The following MMS22L variants were observed in gnomAD, a reference collection of about 807,000 sequenced individuals.
MMS22L encodes the protein MMS22 like, DNA repair protein.
In MMS22L, 74 loss-of-function variants were observed where a neutral mutation model predicts 159.1. That is an observed-to-expected ratio of 0.47 (90% confidence interval 0.39 to 0.56). MMS22L has a LOEUF of 0.56. MMS22L is among the 20% of genes least tolerant of loss of function. MMS22L has a pLI of 0.00. For missense variants in MMS22L, 1,351 were observed against 1,422.1 expected, an observed-to-expected ratio of 0.95 and a Z score of 0.80; for synonymous variants, 517 against 506.9, an observed-to-expected ratio of 1.02 and a Z score of -0.27.
intron 14 of MMS22L, among the ~76,000 whole-genome samples, chr6:97,191,185 G>T (rs182752412): frequency 6.6e-6 from 1 of 152,136 alleles, no homozygotes; most frequent in African/African-American, 2.4e-5. Flanking sequence ...ATTTATTGAG[G>T]CATCTATCAT....
At chr6:97,207,989 A>C (rs1209082651) in intron 14 of MMS22L, among the ~76,000 whole-genome samples, 1 of 152,188 alleles carries the variant, frequency 6.6e-6, no homozygotes, top group Non-Finnish European at 1.5e-5. Context: ...TTTTATCAGT[A>C]GTTAAACATA....
intron 11 of MMS22L, among the ~76,000 whole-genome samples, chr6:97,243,883 T>TG (rs1812346904): frequency 6.6e-6 from 1 of 151,564 alleles, no homozygotes. Context: ...GGTACTGGGG[T>TG]GGGGGGTGTC....
chr6:97,268,054 A>G (rs1815326008), intron 7 of MMS22L, 52 bp from the exon 8 acceptor site: 2 of 1,262,370 alleles, frequency 1.6e-6, no homozygotes, highest in Admixed American at 3.1e-5. Context: ...TAAGTCAGAA[A>G]GGAAAAAGTG....
At chr6:97,270,450 C>T in intron 6 of MMS22L, 1 of 303,578 alleles carries the variant, frequency 3.3e-6, no homozygotes, top group Non-Finnish European at 6.5e-6. Context: ...CATTAAGAAA[C>T]AGAAGTTAAA....
At chr6:97,219,537 T>C (rs1030178317) in intron 14 of MMS22L, among the ~76,000 whole-genome samples, 2 of 152,218 alleles carry the variant, frequency 1.3e-5, no homozygotes, top group African/African-American at 4.8e-5. Context: ...TAGCTAGTGC[T>C]ACCCTACTGG....
chr6:97,226,769 T>C, intron 14 of MMS22L, among the ~76,000 whole-genome samples: 1 of 152,128 alleles, frequency 6.6e-6, no homozygotes, highest in African/African-American at 2.4e-5. Flanking sequence ...TTTATTTCTA[T>C]GGATTAGAAC....
At chr6:97,173,541 A>T (rs1803783344) in intron 18 of MMS22L, among the ~76,000 whole-genome samples, 1 of 152,204 alleles carries the variant, frequency 6.6e-6, no homozygotes, top group African/African-American at 2.4e-5. Context: ...CTTGTAACTA[A>T]ATCACATCAT....
At chr6:97,147,225 G>GGAA (rs1179877017) in intron 24 of MMS22L, among the ~76,000 whole-genome samples, 2 of 152,008 alleles carry the variant, frequency 1.3e-5, no homozygotes, top group Non-Finnish European at 2.9e-5. Flanking sequence ...GATTACAATG[G>GGAA]GAAGACTTGT....
At chr6:97,157,461 T>C (rs1337301170) in intron 22 of MMS22L, among the ~76,000 whole-genome samples, 1 of 152,218 alleles carries the variant, frequency 6.6e-6, no homozygotes, top group Non-Finnish European at 1.5e-5. Flanking sequence ...GGGTCTGTCA[T>C]AAACAGCTCT....
intron 9 of MMS22L, among the ~76,000 whole-genome samples, chr6:97,257,115 C>T (rs1482808758): frequency 6.6e-6 from 1 of 152,154 alleles, no homozygotes; most frequent in Non-Finnish European, 1.5e-5. Context: ...CTTTCACTAA[C>T]ATTTGAAAAT....
chr6:97,152,290 C>A (rs1032465174), intron 22 of MMS22L, among the ~76,000 whole-genome samples: 2 of 151,884 alleles, frequency 1.3e-5, no homozygotes, highest in Admixed American at 1.3e-4. Context: ...ATGTAAGTAG[C>A]AAACTAGATA....
intron 11 of MMS22L, among the ~76,000 whole-genome samples, chr6:97,234,209 G>T (rs983482403): frequency 1.3e-5 from 2 of 151,966 alleles, no homozygotes; most frequent in African/African-American, 4.8e-5. Flanking sequence ...CACATAACTC[G>T]ACTTTTAATT....
Position 97,229,234 on chromosome 6 carries a change from T to C in MMS22L, c.1699A>G (p.Arg567Gly), listed in dbSNP as rs1230709672. Reference sequence around the variant, plus strand: ...ATGTGACCCTTCCAAATGAGGGCTCTCTGAGACGTTACAAAAGCAGGCTTG... The same window carrying C: ...ATGTGACCCTTCCAAATGAGGGCTCCCTGAGACGTTACAAAAGCAGGCTTG... Reference protein sequence around the residue: ...FLKPAFVTSQRALIWKGHMAF... With the variant: ...FLKPAFVTSQGALIWKGHMAF... The change falls in exon 14 of 25, where the codon AGA becomes GGA. Residue 567 changes from arginine to glycine, a missense_variant. Coordinates refer to ENST00000683635, the MANE Select transcript of MMS22L (RefSeq NM_001350599.2). 3.7e-6 allele frequency: 6 copies of C among 1,614,114 alleles called. No homozygotes were observed. Among genetic ancestry groups the C allele is most frequent in the Non-Finnish European group, 5.1e-6 (6 of 1,180,004 alleles).
intron 14 of MMS22L, among the ~76,000 whole-genome samples, chr6:97,211,989 C>T (rs1808430260): frequency 1.3e-5 from 2 of 152,198 alleles, no homozygotes; most frequent in Non-Finnish European, 2.9e-5. Context: ...GCCACATAAT[C>T]TAATCACATG....
chr6:97,281,275 T>C lies in MMS22L; in HGVS notation c.252A>G (p.Ala84=). 1.2e-6 allele frequency: 2 copies of C among 1,611,700 alleles called. No homozygotes were observed. The highest frequency in any genetic ancestry group is 2.2e-5 in the South Asian group (2 of 90,614). Residue 84 remains alanine, a synonymous_variant, in exon 3 of 25, where the codon GCA becomes GCG. Coordinates refer to ENST00000683635, the MANE Select transcript of MMS22L (RefSeq NM_001350599.2). The part of the protein sequence containing the change: ...IFGIQWVTET[A]LVNSSRELFH... Reference sequence around the variant, plus strand: ...AGAGTTCTCTAGATGAATTCACTAATGCTGTTTCAGTAACCCACTGAATGC... The same window carrying C: ...AGAGTTCTCTAGATGAATTCACTAACGCTGTTTCAGTAACCCACTGAATGC...
At chr6:97,234,611 C>G (rs1423545005) in intron 11 of MMS22L, among the ~76,000 whole-genome samples, 1 of 152,230 alleles carries the variant, frequency 6.6e-6, no homozygotes, top group South Asian at 2.1e-4. Flanking sequence ...ACGTACTAGG[C>G]ATAGGACAAC....
intron 11 of MMS22L, among the ~76,000 whole-genome samples, chr6:97,239,794 G>A (rs1415496014): frequency 6.6e-6 from 1 of 152,152 alleles, no homozygotes; most frequent in East Asian, 1.9e-4. Context: ...CTGTCCTAAT[G>A]ACTCGGGAGA....
rs747182274 is a variant in MMS22L, at chr6:97,179,403, C to G, written c.2536+5G>C. 6 of 1,611,290 alleles carry G rather than the reference C, an allele frequency of 3.7e-6. No individual in the cohort carries two copies. The highest frequency in any genetic ancestry group is 5.1e-6 in the Non-Finnish European group (6 of 1,178,724). ...ATCCTCCCCAAAAAACGTACACTTA[C>G]TTACCAACTGCCTCTTCCAGATTTT... On this transcript the variant is annotated splice_donor_5th_base_variant and intron_variant, in intron 17 of 24. Coordinates refer to ENST00000683635, the MANE Select transcript of MMS22L (RefSeq NM_001350599.2).
intron 19 of MMS22L, among the ~76,000 whole-genome samples, chr6:97,170,084 T>C (rs901739975): frequency 1.3e-5 from 2 of 152,312 alleles, no homozygotes; most frequent in African/African-American, 4.8e-5. Context: ...TAAACTCTTA[T>C]GTGCCTTATT....
Sources: gnomAD v4.1 joint callset for allele counts (sites outside exome capture counted in the v4.1 genomes callset) on GRCh38, gnomAD v4.1.1 for gene constraint, MANE v1.5 for transcripts, NCBI Gene and HGNC (gene_info 2026-07-23, HGNC 2026-07-21) for gene names.